The following CDH13 variants were observed in gnomAD, a reference collection of about 807,000 sequenced individuals.
The protein encoded by CDH13 is cadherin 13, also known as cadherin-13.
In CDH13, 24 loss-of-function variants were observed where a neutral mutation model predicts 63.8. The ratio of observed to expected loss-of-function variants is 0.38; its 90% CI spans 0.27 to 0.53. The LOEUF is 0.53. CDH13 is among the 20% of genes least tolerant of loss of function. CDH13 has a pLI of 0.85. For missense variants in CDH13, 1,049 were observed against 903.1 expected (o/e 1.16, Z -2.07); for synonymous variants, 503 against 355.3 (o/e 1.42, Z -4.67).
chr16:82,705,335 G>A (rs974315483), intron 1 of CDH13: 4 of 355,386 alleles, frequency 1.1e-5, no homozygotes, highest in African/African-American at 2.1e-5. Context: ...TCCAGCAAGG[G>A]ATGCCCAGAG....
At chr16:83,427,911 G>A (rs1044966497) in intron 6 of CDH13, among the ~76,000 whole-genome samples, 10 of 152,240 alleles carry the variant, frequency 6.6e-5, no homozygotes, top group Non-Finnish European at 1.5e-4. Flanking sequence ...GGCAAAGGCA[G>A]AACTGCTGAC....
chr16:83,470,646 C>T (rs2073429875), intron 6 of CDH13, among the ~76,000 whole-genome samples: 1 of 152,094 alleles, frequency 6.6e-6, no homozygotes, highest in Non-Finnish European at 1.5e-5. Flanking sequence ...TTCTTCTACC[C>T]CTTCTGCTGC....
chr16:83,167,730 CT>C (rs2037742431), intron 4 of CDH13, among the ~76,000 whole-genome samples: 2 of 151,478 alleles, frequency 1.3e-5, no homozygotes, highest in South Asian at 4.2e-4. Context: ...ATTATTCTCC[CT>C]CCTTCTGGTT....
At chr16:83,632,310 C>G (rs1248424775) in intron 8 of CDH13, among the ~76,000 whole-genome samples, 1 of 152,076 alleles carries the variant, frequency 6.6e-6, no homozygotes, top group Non-Finnish European at 1.5e-5. Context: ...TAATTTCAGT[C>G]ACATCTCCAT....
intron 2 of CDH13, among the ~76,000 whole-genome samples, chr16:82,879,464 TTAAA>T (rs924062091): frequency 2.7e-5 from 4 of 145,700 alleles, no homozygotes; most frequent in South Asian, 2.1e-4. Context: ...AAAATATATA[TTAAA>T]TAAATATAAA....
At chr16:83,135,351 C>T (rs2036235967) in intron 4 of CDH13, among the ~76,000 whole-genome samples, 1 of 152,180 alleles carries the variant, frequency 6.6e-6, no homozygotes, top group Non-Finnish European at 1.5e-5. Context: ...TTAAAGCTTC[C>T]ATGGGTCTTT....
At chr16:83,452,068 T>G (rs1032004670) in intron 6 of CDH13, among the ~76,000 whole-genome samples, 1 of 152,124 alleles carries the variant, frequency 6.6e-6, no homozygotes, top group Non-Finnish European at 1.5e-5. Context: ...AGCCCTAATG[T>G]CACACGCACT....
intron 1 of CDH13, among the ~76,000 whole-genome samples, chr16:82,629,481 G>A (rs1907748929): frequency 6.6e-6 from 1 of 152,184 alleles, no homozygotes; most frequent in Admixed American, 6.5e-5. Context: ...AAAAAGTGGG[G>A]AAAGTCTTCG....
intron 3 of CDH13, among the ~76,000 whole-genome samples, chr16:83,048,380 T>A (rs1174041176): frequency 6.6e-6 from 1 of 152,150 alleles, no homozygotes; most frequent in African/African-American, 2.4e-5. Flanking sequence ...GATACGAAAA[T>A]GACTTGGTTG....
intron 6 of CDH13, among the ~76,000 whole-genome samples, chr16:83,386,345 A>G (rs982489513): frequency 6.6e-6 from 1 of 152,176 alleles, no homozygotes; most frequent in Non-Finnish European, 1.5e-5. Context: ...GGATGCTGGA[A>G]TGTTGGGGGC....
intron 6 of CDH13, among the ~76,000 whole-genome samples, chr16:83,407,208 A>G (rs2092060778): frequency 6.6e-6 from 1 of 152,254 alleles, no homozygotes; most frequent in African/African-American, 2.4e-5. Context: ...CATTCAGCAC[A>G]TGCTATTTGC....
intron 2 of CDH13, among the ~76,000 whole-genome samples, chr16:82,948,590 C>G (rs964941817): frequency 6.6e-6 from 1 of 152,120 alleles, no homozygotes; most frequent in Admixed American, 6.6e-5. Flanking sequence ...GTTCTTCAAC[C>G]AACCAAAATG....
chr16:82,851,638 A>G (rs1281056795), intron 1 of CDH13, among the ~76,000 whole-genome samples: 4 of 150,596 alleles, frequency 2.7e-5, no homozygotes, highest in African/African-American at 7.3e-5. Context: ...GGTCAGACTC[A>G]GCAGGGGCGT....
At chr16:83,528,280 A>G (rs1284903511) in intron 7 of CDH13, among the ~76,000 whole-genome samples, 2 of 152,244 alleles carry the variant, frequency 1.3e-5, no homozygotes, top group East Asian at 1.9e-4. Context: ...GGATGAGGAA[A>G]TTTTGGTTGA....
At chr16:82,974,163 T>C (rs576210240) in intron 2 of CDH13, among the ~76,000 whole-genome samples, 2 of 152,298 alleles carry the variant, frequency 1.3e-5, no homozygotes, top group East Asian at 3.9e-4. Flanking sequence ...GATTTTGAAC[T>C]CCTGACCTCA....
rs558570295 is a variant in CDH13, at chr16:83,004,491, T to A, written c.158-27519T>A. ...CTTTTGAATGTCATGCAAGGACCCC[T>A]GTTTTGTTTTGTTTTGTTTTGTTTT... On this transcript the variant is annotated intron_variant, in intron 2 of 13. Transcript: ENST00000567109. 2.9e-4 allele frequency among the ~76,000 whole-genome samples: 44 copies of A among 152,080 alleles called. No homozygotes were observed. The East Asian group carries it at 5.6e-3, about 19-fold the overall frequency.
chr16:83,014,729 T>TA (rs36157010), intron 2 of CDH13, among the ~76,000 whole-genome samples: 31 of 22,278 alleles, frequency 1.4e-3, no homozygotes, highest in East Asian at 2.8e-3. Flanking sequence ...AGACTCCATC[T>TA]AAAAAAAAAA....
At chr16:83,713,385 G>A (rs1908360097) in intron 10 of CDH13, among the ~76,000 whole-genome samples, 2 of 152,092 alleles carry the variant, frequency 1.3e-5, no homozygotes, top group African/African-American at 4.8e-5. Flanking sequence ...TTTTGACAAA[G>A]CCACACTGGT....
At chr16:83,724,738 G>C (rs1486900676) in intron 10 of CDH13, among the ~76,000 whole-genome samples, 1 of 152,142 alleles carries the variant, frequency 6.6e-6, no homozygotes, top group Non-Finnish European at 1.5e-5. Flanking sequence ...TTCCCAGCCT[G>C]AGCAGTGTCA....
Sources: allele counts gnomAD v4.1 joint callset (sites outside exome capture counted in the v4.1 genomes callset), GRCh38; gene constraint gnomAD v4.1.1; transcripts MANE v1.5; gene names NCBI Gene and HGNC (gene_info 2026-07-23, HGNC 2026-07-21).